Variants in RALGPS1 observed in about 807,000 individuals in gnomAD.
RALGPS1 encodes ras-specific guanine nucleotide-releasing factor RalGPS1.
In RALGPS1, 19 loss-of-function variants were observed where a neutral mutation model predicts 78.8. The observed-to-expected ratio is 0.24, with a 90% CI of 0.17 to 0.35. The LOEUF is 0.35. Ranked by LOEUF, RALGPS1 falls within the 10% of genes least tolerant of loss-of-function variation. The probability of loss-of-function intolerance (pLI) is 1.00; values close to 1 mark genes in which losing one functional copy is unlikely to be tolerated. For synonymous variants in RALGPS1, 228 were observed against 256.3 expected, an observed-to-expected ratio of 0.89 and a Z score of 1.06; for missense variants, 454 against 688.3, an observed-to-expected ratio of 0.66 and a Z score of 3.81.
chr9:127,017,630 T>G (rs1030594495), intron 4 of RALGPS1, among the ~76,000 whole-genome samples: 1 of 152,240 alleles, frequency 6.6e-6, no homozygotes, highest in African/African-American at 2.4e-5. Flanking sequence ...CTTTACAAAC[T>G]TAAAACTTTT....
At chr9:127,042,329 G>C (rs1459902730) in intron 5 of RALGPS1, among the ~76,000 whole-genome samples, 3 of 152,098 alleles carry the variant, frequency 2.0e-5, no homozygotes, top group African/African-American at 7.2e-5. Flanking sequence ...ACCCACTGGG[G>C]TTATGCTCCG....
chr9:126,955,718 A>AT (rs2038278645), intron 1 of RALGPS1, among the ~76,000 whole-genome samples: 1 of 152,246 alleles, frequency 6.6e-6, no homozygotes, highest in African/African-American at 2.4e-5. Context: ...GACTGCCAGA[A>AT]GGGTCTAGGA....
intron 18 of RALGPS1, among the ~76,000 whole-genome samples, chr9:127,216,398 TG>T (rs1212679113): frequency 2.6e-4 from 39 of 152,228 alleles, no homozygotes; most frequent in African/African-American, 8.9e-4. Flanking sequence ...GTCATAGGGA[TG>T]TGTACACACA....
chr9:127,032,390 CACAT>C (rs1415910321), intron 4 of RALGPS1, among the ~76,000 whole-genome samples: 7 of 152,198 alleles, frequency 4.6e-5, no homozygotes, highest in African/African-American at 1.2e-4. Flanking sequence ...CACACACACA[CACAT>C]GACTTCTGCT....
intron 7 of RALGPS1, among the ~76,000 whole-genome samples, chr9:127,060,895 G>A (rs1048732916): frequency 2.0e-5 from 3 of 152,288 alleles, no homozygotes; most frequent in East Asian, 3.9e-4. Context: ...TGCCATTTGA[G>A]CATTTATTTC....
chr9:127,097,250 A>G (rs973115648), intron 8 of RALGPS1, among the ~76,000 whole-genome samples: 5 of 152,170 alleles, frequency 3.3e-5, no homozygotes, highest in African/African-American at 1.2e-4. Context: ...GTCTGTTATG[A>G]TGTAGAAGAA....
intron 3 of RALGPS1, among the ~76,000 whole-genome samples, chr9:126,971,900 G>C (rs903764588): frequency 2.6e-5 from 4 of 152,268 alleles, no homozygotes; most frequent in African/African-American, 9.6e-5. Flanking sequence ...TTGAGACCAA[G>C]ATTTTCAAAA....
intron 13 of RALGPS1, among the ~76,000 whole-genome samples, chr9:127,196,916 C>G (rs569086902): frequency 6.2e-4 from 95 of 152,328 alleles, no homozygotes; most frequent in African/African-American, 2.2e-3. Context: ...ATGCCTGAGA[C>G]CAGCTGCCAT....
chr9:127,062,016 G>T (rs147177565), intron 7 of RALGPS1, among the ~76,000 whole-genome samples: 1,662 of 152,212 alleles, frequency 0.011, 23 homozygotes, highest in Non-Finnish European at 0.016. Flanking sequence ...TATCCTACAG[G>T]ATTGTGTATG....
At position 127,141,616 on chromosome 9, in the gene RALGPS1, C is replaced by CAA. The variant is rs61291398; in HGVS notation, c.611-24430_611-24429dup. 3.0e-3 allele frequency among the ~76,000 whole-genome samples: 207 copies of CAA among 68,658 alleles called. 2 individuals are homozygous for CAA. The highest frequency in any genetic ancestry group is 0.012 in the African/African-American group (184 of 15,204). The allele number at this position is 68,658 out of a possible 152,430, so 45.0% of individuals were successfully genotyped here. On this transcript the variant is annotated intron_variant, in intron 8 of 18. Transcript: ENST00000259351. Reference sequence around the variant, plus strand: ...AGGGTTGCCAATATTTTTTTAATGGCAAAAAAAAAAAAAAAAAAAAAAAAG... The same window carrying CAA: ...AGGGTTGCCAATATTTTTTTAATGGCAAAAAAAAAAAAAAAAAAAAAAAAAAG...
intron 4 of RALGPS1, among the ~76,000 whole-genome samples, chr9:127,009,991 C>T (rs1564410626): frequency 6.6e-6 from 1 of 152,162 alleles, no homozygotes; most frequent in Non-Finnish European, 1.5e-5. Context: ...GCTCCTGACT[C>T]TTCCAAGGAG....
chr9:126,987,165 C>T (rs895110023), intron 4 of RALGPS1, among the ~76,000 whole-genome samples: 2 of 152,080 alleles, frequency 1.3e-5, no homozygotes, highest in Non-Finnish European at 2.9e-5. Context: ...CTTCAGAGCT[C>T]GGTTCACATC....
intron 11 of RALGPS1, among the ~76,000 whole-genome samples, chr9:127,176,798 G>T (rs1368244706): frequency 2.0e-5 from 3 of 152,208 alleles, no homozygotes; most frequent in Non-Finnish European, 2.9e-5. Flanking sequence ...GAGAGCCCAG[G>T]GTCAGGCACA....
At chr9:126,953,469 T>C (rs913110592) in intron 1 of RALGPS1, among the ~76,000 whole-genome samples, 1 of 152,022 alleles carries the variant, frequency 6.6e-6, no homozygotes, top group Non-Finnish European at 1.5e-5. Context: ...TGCAAACTAA[T>C]TTGCCCAAAC....
rs569428451 is a variant in RALGPS1 at position 127,198,202 on chromosome 9, T to C, written c.1196-813T>C. Among the ~76,000 whole-genome samples the C allele has an allele frequency of 1.0e-3, 153 of 152,322 alleles. 2 individuals carry two copies. Among genetic ancestry groups the C allele is most frequent in the African/African-American group, 3.5e-3 (147 of 41,576 alleles). The stretch of plus-strand genomic sequence containing the variant: ...GCGGCCATTTGTGCATGTGCCCTGT[T>C]GGGAGCTGGGCTGGTCCTCCCCTCT... On this transcript the variant is annotated intron_variant, in intron 13 of 18. Transcript: ENST00000259351.
chr9:127,064,744 T>C (rs2049526468), intron 7 of RALGPS1, among the ~76,000 whole-genome samples: 2 of 152,258 alleles, frequency 1.3e-5, no homozygotes, highest in Admixed American at 6.5e-5. Flanking sequence ...GAAATCACTT[T>C]TGTTAAATGA....
intron 3 of RALGPS1, among the ~76,000 whole-genome samples, chr9:126,973,204 C>CA (rs1448015577): frequency 6.6e-6 from 1 of 151,884 alleles, no homozygotes; most frequent in African/African-American, 2.4e-5. Flanking sequence ...TCCATCTCTA[C>CA]AAAAAATTAA....
chr9:126,974,415 TTTTG>T (rs2040412011), intron 3 of RALGPS1, among the ~76,000 whole-genome samples: 1 of 152,154 alleles, frequency 6.6e-6, no homozygotes, highest in East Asian at 1.9e-4. Context: ...CAACAGCTTT[TTTTG>T]TTTGTTTATT....
chr9:127,080,693 C>T (rs370116319), intron 8 of RALGPS1, among the ~76,000 whole-genome samples: 2 of 152,336 alleles, frequency 1.3e-5, no homozygotes, highest in African/African-American at 4.8e-5. Context: ...ATTTGTCTAG[C>T]TGTGTCCCAA....
Sources: allele counts gnomAD v4.1 joint callset (sites outside exome capture counted in the v4.1 genomes callset), GRCh38; gene constraint gnomAD v4.1.1; transcripts MANE v1.5; gene names NCBI Gene and HGNC (gene_info 2026-07-23, HGNC 2026-07-21).